GRAMD1B: variants seen among roughly 807,000 people sequenced by gnomAD.
The protein encoded by GRAMD1B is protein Aster-B.
GRAMD1B carries 37 observed loss-of-function variants against 99.7 expected under a neutral mutation model. That is an observed-to-expected ratio of 0.37 (90% confidence interval 0.29 to 0.49). GRAMD1B has a LOEUF of 0.49. Ranked by LOEUF, GRAMD1B falls within the 20% of genes least tolerant of loss-of-function variation. The pLI is 0.98. For synonymous variants in GRAMD1B, 427 were observed against 387.6 expected (o/e 1.10, Z -1.19); for missense variants, 888 against 1,009.2 (o/e 0.88, Z 1.63).
At chr11:123,369,470 G>T (rs2135722447) in intron 1 of GRAMD1B, among the ~76,000 whole-genome samples, 1 of 152,038 alleles carries the variant, frequency 6.6e-6, no homozygotes, top group Admixed American at 6.6e-5. Flanking sequence ...GGAAATGGAG[G>T]GATTAAATTT....
At chr11:123,458,459 T>A (rs1950258155) in intron 1 of GRAMD1B, 1 of 152,240 alleles carries the variant, frequency 6.6e-6, no homozygotes. Flanking sequence ...CAGACTCACA[T>A]GCTGATCTCT....
At chr11:123,498,694 C>T (rs998281540) in intron 2 of GRAMD1B, among the ~76,000 whole-genome samples, 8 of 152,076 alleles carry the variant, frequency 5.3e-5, no homozygotes, top group South Asian at 4.2e-4. Context: ...ATGAGTGTCC[C>T]GCTGGTTAGA....
In GRAMD1B at chr11:123,587,547, G is replaced by A. The variant is rs1026232306; in HGVS notation, c.684+3215G>A. 4.6e-5 allele frequency among the ~76,000 whole-genome samples: 7 copies of A among 152,236 alleles called. No individual in the cohort carries two copies. Among genetic ancestry groups the A allele is most frequent in the African/African-American group, 1.7e-4 (7 of 41,454 alleles). On this transcript the variant is annotated intron_variant, in intron 4 of 19. Coordinates refer to ENST00000635736, the MANE Select transcript of GRAMD1B (RefSeq NM_001387025.1). This position sits in a 1 kb window ranked among gnomAD's most constrained non-coding sequence, Gnocchi z 4.2. ...GAGGGGTGAAATTTACTCCCCCTCA[G>A]CCCCCAACGGGGCATAACATCACAG...
intron 2 of GRAMD1B, among the ~76,000 whole-genome samples, chr11:123,487,527 T>C (rs1937969209): frequency 6.6e-6 from 1 of 152,230 alleles, no homozygotes; most frequent in African/African-American, 2.4e-5. Context: ...AAGTGCCTGG[T>C]CATGCCACGT....
chr11:123,397,215 C>T (rs1458765192), intron 1 of GRAMD1B, among the ~76,000 whole-genome samples: 2 of 151,970 alleles, frequency 1.3e-5, no homozygotes, highest in South Asian at 2.1e-4. Context: ...ACCAGCCTGG[C>T]CAACATGGCG....
intron 3 of GRAMD1B, chr11:123,578,563 C>T: frequency 1.4e-5 from 10 of 691,776 alleles, no homozygotes; most frequent in Admixed American, 2.2e-5. Context: ...CCAGAAGGGC[C>T]GGCCCCACTG....
At chr11:123,369,829 G>A (rs186558507) in intron 1 of GRAMD1B, among the ~76,000 whole-genome samples, 9 of 151,808 alleles carry the variant, frequency 5.9e-5, no homozygotes, top group Admixed American at 2.0e-4. Context: ...CCGAGTTCCC[G>A]CCACTGCATT....
chr11:123,514,259 G>C (rs1410816901), intron 2 of GRAMD1B, among the ~76,000 whole-genome samples: 2 of 152,202 alleles, frequency 1.3e-5, no homozygotes, highest in Non-Finnish European at 2.9e-5. Context: ...GAGACCTGAA[G>C]TGTGGGTGGG....
chr11:123,594,963 C>G (rs374469088), intron 6 of GRAMD1B, 125 bp downstream of exon 6: 5 of 649,020 alleles, frequency 7.7e-6, no homozygotes, highest in Admixed American at 5.0e-5. Context: ...CAAAAGCATG[C>G]CTGAGTCTTG....
At chr11:123,476,381 GT>G (rs1206949361) in intron 1 of GRAMD1B, among the ~76,000 whole-genome samples, 7 of 152,168 alleles carry the variant, frequency 4.6e-5, no homozygotes, top group Non-Finnish European at 1.0e-4. Context: ...GATTACAGGC[GT>G]GAGCCACCGC....
chr11:123,534,252 T>C (rs376339071), intron 2 of GRAMD1B, among the ~76,000 whole-genome samples: 37 of 152,318 alleles, frequency 2.4e-4, no homozygotes, highest in African/African-American at 7.7e-4. Flanking sequence ...AGAGAATATA[T>C]TTACTACTCA....
rs182627838 is a variant in GRAMD1B, at chr11:123,396,707, T to C, written c.-176+37908T>C. 4.2e-4 allele frequency among the ~76,000 whole-genome samples: 64 copies of C among 152,324 alleles called. No homozygotes were observed. The East Asian group carries it at 0.011, about 26-fold the overall frequency. On this transcript the variant is annotated intron_variant, in intron 1 of 20. Transcript: ENST00000638157. The stretch of plus-strand genomic sequence containing the variant: ...TATTCTTGACCTCAGGGATTTTACT[T>C]TGTGGTTTGCAAGAATATCTTGGTG...
At chr11:123,526,253 C>T in intron 2 of GRAMD1B, 2 of 1,175,704 alleles carry the variant, frequency 1.7e-6, no homozygotes, top group Non-Finnish European at 2.5e-6. Context: ...AAGAGGTCTC[C>T]TTCATTGATG....
intron 2 of GRAMD1B, among the ~76,000 whole-genome samples, chr11:123,481,511 C>T (rs1471132394): frequency 6.6e-6 from 1 of 152,046 alleles, no homozygotes; most frequent in Non-Finnish European, 1.5e-5. Flanking sequence ...TGAGTCATGC[C>T]CTATAGGTTG....
chr11:123,574,317 T>C (rs1948484338), intron 2 of GRAMD1B, among the ~76,000 whole-genome samples: 1 of 152,118 alleles, frequency 6.6e-6, no homozygotes, highest in African/African-American at 2.4e-5. Context: ...AGATTCCATT[T>C]TGAGGATTTG....
chr11:123,414,498 T>C (rs1948161442), intron 1 of GRAMD1B, among the ~76,000 whole-genome samples: 1 of 152,234 alleles, frequency 6.6e-6, no homozygotes, highest in Non-Finnish European at 1.5e-5. Flanking sequence ...ATTATGTTTT[T>C]ATAGATGAAT....
At chr11:123,443,115 G>A (rs1949485924) in intron 1 of GRAMD1B, among the ~76,000 whole-genome samples, 1 of 152,148 alleles carries the variant, frequency 6.6e-6, no homozygotes, top group Admixed American at 6.5e-5. Context: ...TGCGAATGTA[G>A]TCCAGCGGGT....
intron 1 of GRAMD1B, among the ~76,000 whole-genome samples, chr11:123,444,576 A>G (rs541576352): frequency 6.6e-6 from 1 of 151,766 alleles, no homozygotes; most frequent in East Asian, 1.9e-4. Context: ...ACGTCTTTCC[A>G]TGGCCCGAAT....
At chr11:123,363,589 T>TTTTTTTTTTTGTTTGTTTG (rs1555105461) in intron 1 of GRAMD1B, among the ~76,000 whole-genome samples, 1 of 152,026 alleles carries the variant, frequency 6.6e-6, no homozygotes, top group African/African-American at 2.4e-5. Flanking sequence ...TGTTTGTTTT[T>TTTTTTTTTTTGTTTGTTTG]TTTTGGCACT....
Sources: allele counts gnomAD v4.1 joint callset (sites outside exome capture counted in the v4.1 genomes callset), GRCh38; gene constraint gnomAD v4.1.1; non-coding constraint Gnocchi (gnomAD v3.1); transcripts MANE v1.5; gene names NCBI Gene and HGNC (gene_info 2026-07-23, HGNC 2026-07-21).